INTS6L: variants seen among roughly 807,000 people sequenced by gnomAD.
INTS6L encodes integrator complex subunit 6-like.
Under a neutral mutation model 64.7 loss-of-function variants are expected in INTS6L, and 18 were observed. The ratio of observed to expected loss-of-function variants is 0.28; its 90% confidence interval spans 0.19 to 0.41. INTS6L has a LOEUF of 0.41. Among genes scored for constraint, INTS6L ranks in the 10% least tolerant of loss-of-function variants. The pLI, the probability that INTS6L is intolerant of heterozygous loss-of-function variation, is 1.00. For synonymous variants in INTS6L, 227 were observed against 235.9 expected (o/e 0.96, Z 0.34); for missense variants, 533 against 661.0 (o/e 0.81, Z 2.12).
At chrX:135,566,084 A>G (rs969861337) in intron 9 of INTS6L, among the ~76,000 whole-genome samples, 1 of 111,882 alleles carries the variant, frequency 8.9e-6, no homozygotes, top group Non-Finnish European at 1.9e-5. Flanking sequence ...TATAGTGGTT[A>G]AGAGTTTGGG....
Position 135,577,284 on chromosome X carries a change from A to C in INTS6L, c.1976A>C (p.Lys659Thr). 8.3e-7 allele frequency: 1 copy of C among 1,211,810 alleles called. No individual in the cohort carries two copies. Among genetic ancestry groups the C allele is most frequent in the Non-Finnish European group, 1.1e-6 (1 of 895,543 alleles). ...PGEPNSPMSS[K>T]RRRSMSLLLR... ...GAACCCAACAGTCCTATGTCATCTA[A>C]GAGAAGGCGGAGTATGTCCCTGCTG... Residue 659 changes from lysine to threonine, a missense_variant, in exon 15 of 18, where the codon AAG becomes ACG. Coordinates refer to ENST00000639893, the MANE Select transcript of INTS6L (RefSeq NM_001351601.3).
intron 12 of INTS6L, among the ~76,000 whole-genome samples, chrX:135,573,479 A>G (rs1556528940): frequency 8.9e-6 from 1 of 112,871 alleles, no homozygotes; most frequent in Non-Finnish European, 1.9e-5. Flanking sequence ...GTTACTGGCT[A>G]TGGGCAGCCT....
At chrX:135,554,077 A>G (rs2086577911) in intron 8 of INTS6L, among the ~76,000 whole-genome samples, 1 of 111,922 alleles carries the variant, frequency 8.9e-6, no homozygotes, top group Admixed American at 9.5e-5. Context: ...CCGGAGCCTA[A>G]CCCTAGCTCT....
Position 135,547,144 on chromosome X carries a change from C to T in INTS6L, c.621C>T (p.Ser207=), listed in dbSNP as rs782099771. The change falls in exon 6 of 18, where the codon TCC becomes TCT. Residue 207 remains serine (S), a synonymous_variant. Coordinates refer to ENST00000639893, the MANE Select transcript of INTS6L (RefSeq NM_001351601.3). ...TTTTTCCTTCTGGGATAGGTCGCTC[C>T]TACTGTGTGAGAACACAAAGAATGT... ...TQMCEVTGGR[S]YCVRTQRMLN... The T allele has an allele frequency of 8.3e-7, 1 of 1,209,309 alleles. No individual in the cohort carries two copies. The highest frequency in any genetic ancestry group is 1.1e-6 in the Non-Finnish European group (1 of 894,475).
intron 16 of INTS6L, among the ~76,000 whole-genome samples, chrX:135,580,383 G>T (rs2087341441): frequency 8.9e-6 from 1 of 112,382 alleles, no homozygotes; most frequent in Admixed American, 9.4e-5. Flanking sequence ...GCCGTAACAA[G>T]TTATCAAAAG....
intron 14 of INTS6L, among the ~76,000 whole-genome samples, chrX:135,575,814 G>A (rs868918735): frequency 9.2e-6 from 1 of 108,608 alleles, no homozygotes; most frequent in African/African-American, 3.3e-5. Context: ...GTGTGTATGT[G>A]TGTGTGTGTG....
intron 7 of INTS6L, among the ~76,000 whole-genome samples, 179 bp from the exon 8 acceptor site, chrX:135,551,815 C>T (rs1051040171): frequency 1.4e-4 from 16 of 111,687 alleles, no homozygotes; most frequent in African/African-American, 4.6e-4. Flanking sequence ...TCTGAGCCCT[C>T]TCTCCCATGG....
intron 12 of INTS6L, 100 bp from the exon 13 acceptor site, chrX:135,573,839 G>A (rs782183709): frequency 1.0e-6 from 1 of 965,699 alleles, no homozygotes; most frequent in East Asian, 3.3e-5. Context: ...CAGTTGTATT[G>A]ATATAACACT....
chrX:135,552,244 T>C (rs1469997503), intron 8 of INTS6L, 98 bp downstream of exon 8: 6 of 936,467 alleles, frequency 6.4e-6, no homozygotes, highest in Non-Finnish European at 7.0e-6. Context: ...ATAATTGGAC[T>C]GACTGTGCTA....
intron 9 of INTS6L, among the ~76,000 whole-genome samples, chrX:135,558,391 T>A (rs1453981530): frequency 8.9e-6 from 1 of 111,796 alleles, no homozygotes; most frequent in Non-Finnish European, 1.9e-5. Flanking sequence ...CAAAAAAAAA[T>A]CCATTGATGG....
chrX:135,564,568 C>T (rs1458921864), intron 9 of INTS6L, among the ~76,000 whole-genome samples: 1 of 109,488 alleles, frequency 9.1e-6, no homozygotes, highest in East Asian at 2.9e-4. Context: ...CCCGTCTCTA[C>T]TAAAAATACA....
intron 2 of INTS6L, among the ~76,000 whole-genome samples, chrX:135,528,687 T>TC (rs782398997): frequency 8.9e-6 from 1 of 112,150 alleles, no homozygotes; most frequent in Non-Finnish European, 1.9e-5. Context: ...CTAACTTGTT[T>TC]CTTTTTACTT....
At chrX:135,521,209 C>T in intron 1 of INTS6L, 32 bp from the exon 2 acceptor site, 1 of 1,200,060 alleles carries the variant, frequency 8.3e-7, no homozygotes, top group Non-Finnish European at 1.1e-6. Flanking sequence ...TCCTTTCCTA[C>T]GCGACCCCCT....
chrX:135,571,477 A>G (rs782778244), intron 11 of INTS6L: 1 of 110,945 alleles, frequency 9.0e-6, no homozygotes, highest in Non-Finnish European at 1.9e-5. Flanking sequence ...AACCAAAGTG[A>G]CTCCACAATT....
chrX:135,556,629 G>A (rs1272614753), intron 9 of INTS6L, among the ~76,000 whole-genome samples: 1 of 111,554 alleles, frequency 9.0e-6, no homozygotes, highest in Non-Finnish European at 1.9e-5. Flanking sequence ...ACCATGGGGT[G>A]GGAGTAATGG....
At chrX:135,547,008 T>A in intron 5 of INTS6L, 123 bp downstream of exon 5, 1 of 1,096,949 alleles carries the variant, frequency 9.1e-7, no homozygotes, top group South Asian at 2.0e-5. Flanking sequence ...TTGCTTAAGG[T>A]CATCATTGGT....
intron 9 of INTS6L, among the ~76,000 whole-genome samples, chrX:135,559,894 C>T (rs1556521167): frequency 8.9e-6 from 1 of 112,105 alleles, no homozygotes; most frequent in Non-Finnish European, 1.9e-5. Flanking sequence ...TAATGGCTAA[C>T]AATATTGATC....
Position 135,577,307 on chromosome X carries a change from C to T in INTS6L, c.1999C>T (p.Leu667=), listed in dbSNP as rs1205701166. 8.3e-7 allele frequency: 1 copy of T among 1,211,512 alleles called. No individual in the cohort carries two copies. The highest frequency in any genetic ancestry group is 1.1e-6 in the Non-Finnish European group (1 of 895,472). The part of the protein sequence containing the change: ...SSKRRRSMSL[L]LRKPQTPPTV... ...TAAGAGAAGGCGGAGTATGTCCCTG[C>T]TGTTGAGGAAACCACAAACACCACC... The change falls in exon 15 of 18, where the codon CTG becomes TTG. Residue 667 remains leucine, a synonymous_variant. Coordinates refer to ENST00000639893, the MANE Select transcript of INTS6L (RefSeq NM_001351601.3).
intron 2 of INTS6L, among the ~76,000 whole-genome samples, chrX:135,522,316 G>A (rs1351808922): frequency 9.0e-6 from 1 of 111,491 alleles, no homozygotes; most frequent in Non-Finnish European, 1.9e-5. Context: ...GGAAGGGGAG[G>A]ACTCAAATGT....
Sources: gnomAD v4.1 joint callset for allele counts (sites outside exome capture counted in the v4.1 genomes callset) on GRCh38, gnomAD v4.1.1 for gene constraint, MANE v1.5 for transcripts, NCBI Gene and HGNC (gene_info 2026-07-23, HGNC 2026-07-21) for gene names.